The following ADAMTS9 variants were observed in gnomAD, a reference collection of about 807,000 sequenced individuals.
The protein encoded by ADAMTS9 is ADAM metallopeptidase with thrombospondin type 1 motif 9, also known as A disintegrin and metalloproteinase with thrombospondin motifs 9.
ADAMTS9 carries 107 observed loss-of-function variants against 257.1 expected under a neutral mutation model. That is an observed-to-expected ratio of 0.42 (90% CI 0.36 to 0.49). ADAMTS9 has a LOEUF of 0.49. ADAMTS9 is among the 20% of genes least tolerant of loss of function. The probability of loss-of-function intolerance (pLI) is 0.03; values close to 1 mark genes in which losing one functional copy is unlikely to be tolerated. For missense variants in ADAMTS9, 2,353 were observed against 2,469.1 expected (o/e 0.95, Z 1.00); for synonymous variants, 982 against 880.9 (o/e 1.11, Z -2.03).
intron 3 of ADAMTS9, among the ~76,000 whole-genome samples, chr3:64,667,694 C>T (rs985195570): frequency 2.6e-5 from 4 of 152,140 alleles, no homozygotes; most frequent in African/African-American, 9.7e-5. Context: ...TCTGTAGCTC[C>T]TTCAACTAAG....
At chr3:64,562,402 C>A (rs1200412483) in intron 29 of ADAMTS9, among the ~76,000 whole-genome samples, 1 of 152,102 alleles carries the variant, frequency 6.6e-6, no homozygotes, top group Admixed American at 6.5e-5. Context: ...TGTTTTCAGC[C>A]CTTGAAAAAT....
intron 8 of ADAMTS9, 134 bp downstream of exon 8, chr3:64,654,219 C>A (rs759384014): frequency 1.1e-6 from 1 of 905,410 alleles, no homozygotes; most frequent in Non-Finnish European, 1.7e-6. Context: ...GTTCAAAGCT[C>A]TTCAACCCTG....
At chr3:64,577,391 G>C (rs75737452) in intron 28 of ADAMTS9, among the ~76,000 whole-genome samples, 2,945 of 152,250 alleles carry the variant, frequency 0.019, 90 homozygotes, top group African/African-American at 0.067. Flanking sequence ...GACATCAGCA[G>C]AATAATGATG....
intron 38 of ADAMTS9, among the ~76,000 whole-genome samples, chr3:64,526,454 C>T (rs879663331): frequency 2.6e-5 from 4 of 152,112 alleles, no homozygotes; most frequent in Non-Finnish European, 5.9e-5. Flanking sequence ...TATTTCTATC[C>T]TCCCACCTGG....
chr3:64,534,295 T>C (rs184559943), intron 37 of ADAMTS9, among the ~76,000 whole-genome samples: 8 of 152,282 alleles, frequency 5.3e-5, no homozygotes, highest in Non-Finnish European at 1.5e-5. Context: ...ATCTGTAAAA[T>C]GGAAAGCACT....
chr3:64,580,041 TATA>T (rs1409341636), intron 28 of ADAMTS9, among the ~76,000 whole-genome samples: 2 of 152,196 alleles, frequency 1.3e-5, no homozygotes, highest in Non-Finnish European at 2.9e-5. Flanking sequence ...CTGCGTGTCA[TATA>T]ATGTTGTTTC....
intron 9 of ADAMTS9, chr3:64,650,279 C>T (rs1700899984): frequency 6.6e-6 from 1 of 152,588 alleles, no homozygotes; most frequent in South Asian, 2.1e-4. Flanking sequence ...AAACACCTCT[C>T]CCGGAAAATT....
chr3:64,628,594 T>C (rs559976627), intron 16 of ADAMTS9, among the ~76,000 whole-genome samples: 24 of 152,238 alleles, frequency 1.6e-4, no homozygotes, highest in African/African-American at 3.1e-4. Flanking sequence ...CCCAAAATAA[T>C]TTGTAAACAG....
At chr3:64,637,399 A>G (rs1262208286) in intron 12 of ADAMTS9, among the ~76,000 whole-genome samples, 1 of 152,170 alleles carries the variant, frequency 6.6e-6, no homozygotes, top group Non-Finnish European at 1.5e-5. Flanking sequence ...AGGGATAGGG[A>G]GGGTTTAAGG....
chr3:64,616,838 C>T (rs2084775141), intron 19 of ADAMTS9, among the ~76,000 whole-genome samples: 1 of 152,184 alleles, frequency 6.6e-6, no homozygotes, highest in South Asian at 2.1e-4. Flanking sequence ...TTGTACTCTT[C>T]ATTGGATTTC....
intron 2 of ADAMTS9, among the ~76,000 whole-genome samples, chr3:64,685,896 A>G (rs1576195267): frequency 6.6e-6 from 1 of 151,596 alleles, no homozygotes; most frequent in South Asian, 2.1e-4. Flanking sequence ...ACTGCGCTGC[A>G]CCCCCACTCT....
At chr3:64,625,829 G>T (rs974249669) in intron 16 of ADAMTS9, among the ~76,000 whole-genome samples, 4 of 152,126 alleles carry the variant, frequency 2.6e-5, no homozygotes, top group African/African-American at 9.7e-5. Context: ...CCTTAGCATA[G>T]CCTCCCTGTA....
intron 37 of ADAMTS9, among the ~76,000 whole-genome samples, chr3:64,536,836 C>G (rs2083056850): frequency 6.6e-6 from 1 of 152,124 alleles, no homozygotes; most frequent in Non-Finnish European, 1.5e-5. Flanking sequence ...AAAAAATATT[C>G]TGGTTATGTT....
intron 12 of ADAMTS9, among the ~76,000 whole-genome samples, chr3:64,639,325 A>C (rs1235504626): frequency 8.8e-5 from 13 of 148,472 alleles, no homozygotes; most frequent in Non-Finnish European, 1.3e-4. Flanking sequence ...AAAAAAAAAA[A>C]AAAAAACCTC....
At chr3:64,657,401 A>G (rs372466481) in intron 4 of ADAMTS9, among the ~76,000 whole-genome samples, 1 of 152,128 alleles carries the variant, frequency 6.6e-6, no homozygotes, top group Non-Finnish European at 1.5e-5. Flanking sequence ...CAGTGGCGCA[A>G]TCAAGGCTCA....
At chr3:64,520,377 C>A (rs1486838133) in intron 39 of ADAMTS9, among the ~76,000 whole-genome samples, 2 of 152,116 alleles carry the variant, frequency 1.3e-5, no homozygotes. Flanking sequence ...AAGAAATACA[C>A]AGATTCAACA....
rs192011108 is a variant in ADAMTS9, at chr3:64,598,501, G to C, written c.4018-1510C>G. Among the ~76,000 whole-genome samples, 168 of 151,776 alleles carry C rather than the reference G, an allele frequency of 1.1e-3. 2 individuals are homozygous for C. The East Asian group carries it at 0.024, about 21-fold the overall frequency. ...CCTGGGTAAATTTTTAAAATTTTTCGTAGAGACAAGGTCTCACTATGTTGC... is the reference window on the plus strand; with the variant it reads ...CCTGGGTAAATTTTTAAAATTTTTCCTAGAGACAAGGTCTCACTATGTTGC... On this transcript the variant is annotated intron_variant, in intron 26 of 39. Coordinates refer to ENST00000498707, the MANE Select transcript of ADAMTS9 (RefSeq NM_182920.2).
intron 28 of ADAMTS9, among the ~76,000 whole-genome samples, chr3:64,593,897 G>A (rs2084307434): frequency 6.6e-6 from 1 of 151,716 alleles, no homozygotes; most frequent in Non-Finnish European, 1.5e-5. Flanking sequence ...CTACAGCTTA[G>A]AAAAGGAAAG....
At chr3:64,604,575 C>T (rs943900121) in intron 23 of ADAMTS9, among the ~76,000 whole-genome samples, 3 of 152,050 alleles carry the variant, frequency 2.0e-5, no homozygotes, top group African/African-American at 7.2e-5. Flanking sequence ...ATTTTTAAAG[C>T]CATATTTATT....
Sources: gnomAD v4.1 joint callset for allele counts (sites outside exome capture counted in the v4.1 genomes callset) on GRCh38, gnomAD v4.1.1 for gene constraint, MANE v1.5 for transcripts, NCBI Gene and HGNC (gene_info 2026-07-23, HGNC 2026-07-21) for gene names.